Variants in BMX observed in about 807,000 individuals in gnomAD.
The protein encoded by BMX is cytoplasmic tyrosine-protein kinase BMX.
In BMX, 31 loss-of-function variants were observed where a neutral mutation model predicts 59.2. The ratio of observed to expected loss-of-function variants is 0.52; its 90% CI spans 0.39 to 0.71. The LOEUF (loss-of-function observed/expected upper bound fraction) is 0.71. Among genes scored for constraint, BMX ranks in the 30% least tolerant of loss-of-function variants. The probability of loss-of-function intolerance (pLI) is 0.00; values close to 1 mark genes in which losing one functional copy is unlikely to be tolerated. For synonymous variants in BMX, 185 were observed against 181.0 expected (o/e 1.02, Z -0.18); for missense variants, 474 against 491.7 (o/e 0.96, Z 0.34).
At chrX:15,528,678 A>G (rs761824173) in intron 9 of BMX, among the ~76,000 whole-genome samples, 3 of 111,659 alleles carry the variant, frequency 2.7e-5, no homozygotes, top group Non-Finnish European at 3.8e-5. Flanking sequence ...AAACAAAAAA[A>G]AACCTTAGGC....
Position 15,511,485 on chromosome X carries a change from A to C in BMX, c.292A>C (p.Ser98Arg). 1.7e-6 allele frequency: 2 copies of C among 1,206,020 alleles called. No homozygotes were observed. The highest frequency in any genetic ancestry group is 2.2e-6 in the Non-Finnish European group (2 of 892,235). Residue 98 changes from serine to arginine, a missense_variant, in exon 4 of 19, where the codon AGC becomes CGC. Coordinates refer to ENST00000348343, the MANE Select transcript of BMX (RefSeq NM_203281.3). ...LLYVYASNEE[S>R]RSQWLKALQK... ...CTATGTCTATGCATCAAATGAAGAGAGCCGAAGTCAGTGGTTGAAAGCATT... is the reference window on the plus strand; with the variant it reads ...CTATGTCTATGCATCAAATGAAGAGCGCCGAAGTCAGTGGTTGAAAGCATT...
intron 17 of BMX, among the ~76,000 whole-genome samples, chrX:15,547,817 A>G (rs945535551): frequency 8.9e-6 from 1 of 112,210 alleles, no homozygotes; most frequent in African/African-American, 3.2e-5. Context: ...TATTTTTTCT[A>G]TGTTGTGAGA....
chrX:15,554,228 TG>T (rs778525983), intron 18 of BMX, among the ~76,000 whole-genome samples: 1 of 112,355 alleles, frequency 8.9e-6, no homozygotes, highest in South Asian at 3.7e-4. Flanking sequence ...TCACTAGCAA[TG>T]TAAGAGGGTA....
At chrX:15,516,814 G>A (rs768201686) in intron 5 of BMX, among the ~76,000 whole-genome samples, 89 of 111,314 alleles carry the variant, frequency 8.0e-4, no homozygotes, top group Non-Finnish European at 1.5e-3. Flanking sequence ...TGAGAGAAGG[G>A]GCTGCTTTAC....
intron 3 of BMX, 101 bp downstream of exon 3, chrX:15,509,534 A>G: frequency 1.7e-6 from 1 of 585,558 alleles, no homozygotes; most frequent in Non-Finnish European, 2.5e-6. Flanking sequence ...TTTCAAAATA[A>G]TCTAAACAAG....
chrX:15,512,126 A>G (rs1259959029), intron 4 of BMX, among the ~76,000 whole-genome samples: 1 of 111,880 alleles, frequency 8.9e-6, no homozygotes, highest in Non-Finnish European at 1.9e-5. Context: ...TACATTGTAA[A>G]TGCTAGGCAA....
intron 14 of BMX, among the ~76,000 whole-genome samples, chrX:15,541,650 G>A (rs1026523912): frequency 1.8e-5 from 2 of 111,306 alleles, no homozygotes; most frequent in African/African-American, 6.5e-5. Context: ...AGTCATGGAC[G>A]TTCCCAGGAT....
intron 3 of BMX, 39 bp downstream of exon 3, chrX:15,509,472 T>G: frequency 2.1e-6 from 2 of 937,330 alleles, no homozygotes; most frequent in South Asian, 2.3e-5. Context: ...TGGATAGTTC[T>G]TCCTTCAATT....
intron 18 of BMX, 38 bp downstream of exon 18, chrX:15,550,035 G>A (rs1926117921): frequency 1.7e-6 from 2 of 1,175,228 alleles, no homozygotes; most frequent in Non-Finnish European, 1.1e-6. Context: ...AGGGGTCTCA[G>A]GCACATCCGG....
At chrX:15,518,995 CAAA>C (rs916710753) in intron 6 of BMX, among the ~76,000 whole-genome samples, 13 of 112,008 alleles carry the variant, frequency 1.2e-4, no homozygotes, top group African/African-American at 4.2e-4. Context: ...AGAAAACAAA[CAAA>C]ACCTTGATTG....
chrX:15,522,323 T>G, intron 6 of BMX, 23 bp from the exon 7 acceptor site: 4 of 1,207,766 alleles, frequency 3.3e-6, no homozygotes, highest in Non-Finnish European at 4.5e-6. Flanking sequence ...CTGTGATGTA[T>G]TAAAATTTCT....
chrX:15,511,547 G>A, intron 4 of BMX, 29 bp downstream of exon 4: 1 of 1,154,544 alleles, frequency 8.7e-7, no homozygotes, highest in African/African-American at 1.8e-5. Flanking sequence ...TGTTGAAAGA[G>A]AAAGGTCAAA....
In BMX at chrX:15,527,206, A is replaced by AC. The variant is rs1295892919; in HGVS notation, c.884+1111_884+1112insC. On this transcript the variant is annotated intron_variant, in intron 9 of 18. Coordinates refer to ENST00000348343, the MANE Select transcript of BMX (RefSeq NM_203281.3). Reference sequence around the variant, plus strand: ...AAGACTCTGTCTCAAAAAAAAAAAAAAAAAAAAAAAACAACACAAACACAC... The same window carrying AC: ...AAGACTCTGTCTCAAAAAAAAAAAAACAAAAAAAAAAACAACACAAACACAC... 7.9e-5 allele frequency among the ~76,000 whole-genome samples: 7 copies of AC among 88,821 alleles called. 1 individual carries two copies. Among genetic ancestry groups the AC allele is most frequent in the South Asian group, 5.2e-4 (1 of 1,908 alleles). 77.1% of individuals were successfully genotyped at this position (88,821 alleles called of 115,157 possible). A position where few individuals can be genotyped will look rare whatever the true frequency, so the allele number is the denominator to read the frequency against.
chrX:15,508,586 C>T, intron 2 of BMX, 95 bp downstream of exon 2: 1 of 706,824 alleles, frequency 1.4e-6, no homozygotes, highest in Non-Finnish European at 2.0e-6. Context: ...TATCAGGTTT[C>T]TTAACTTACA....
At chrX:15,542,294 C>A in intron 15 of BMX, 96 bp downstream of exon 15, 1 of 790,107 alleles carries the variant, frequency 1.3e-6, no homozygotes. Context: ...AGAAGGGCAC[C>A]ATCACTTCTA....
chrX:15,530,640 G>A (rs188581738), intron 10 of BMX, among the ~76,000 whole-genome samples: 2 of 111,987 alleles, frequency 1.8e-5, no homozygotes, highest in East Asian at 2.8e-4. Context: ...ATCGGAGGCC[G>A]TCAATGTAGC....
At chrX:15,529,916 C>G (rs1924981250) in intron 9 of BMX, 57 bp from the exon 10 acceptor site, 5 of 1,069,364 alleles carry the variant, frequency 4.7e-6, no homozygotes, top group Middle Eastern at 2.5e-4. Flanking sequence ...AGTTGAGTGT[C>G]AAGCTATACA....
At chrX:15,531,289 A>C (rs1157337587) in intron 10 of BMX, 39 bp from the exon 11 acceptor site, 2 of 1,090,588 alleles carry the variant, frequency 1.8e-6, no homozygotes, top group Non-Finnish European at 2.5e-6. Flanking sequence ...GAATGATGAA[A>C]ATATTTTCTA....
At chrX:15,528,216 C>T (rs938091548) in intron 9 of BMX, among the ~76,000 whole-genome samples, 8 of 112,173 alleles carry the variant, frequency 7.1e-5, no homozygotes, top group African/African-American at 9.7e-5. Context: ...ACTCAGTCAC[C>T]TCACATTGTG....
Sources: gnomAD v4.1 joint callset for allele counts (sites outside exome capture counted in the v4.1 genomes callset) on GRCh38, gnomAD v4.1.1 for gene constraint, MANE v1.5 for transcripts, NCBI Gene and HGNC (gene_info 2026-07-23, HGNC 2026-07-21) for gene names.